Variants in SORCS2 observed in about 807,000 individuals in gnomAD.
SORCS2 encodes the protein VPS10 domain-containing receptor SorCS2.
In SORCS2, 100 loss-of-function variants were observed where a neutral mutation model predicts 141.6. That is an observed-to-expected ratio of 0.71 (90% CI 0.60 to 0.83). The LOEUF (loss-of-function observed/expected upper bound fraction) is 0.83. SORCS2 is among the 40% of genes least tolerant of loss of function. The pLI is 0.00. For missense variants in SORCS2, 1,646 were observed against 1,560.2 expected, an observed-to-expected ratio of 1.05 and a Z score of -0.93; for synonymous variants, 789 against 676.9, an observed-to-expected ratio of 1.17 and a Z score of -2.57.
chr4:7,604,283 T>C (rs1002193888), intron 3 of SORCS2, among the ~76,000 whole-genome samples: 1 of 152,150 alleles, frequency 6.6e-6, no homozygotes, highest in Non-Finnish European at 1.5e-5. Context: ...CTCGTGGTAG[T>C]GAGAGAGTTT....
intron 12 of SORCS2, among the ~76,000 whole-genome samples, chr4:7,699,247 C>T (rs958068640): frequency 2.0e-5 from 3 of 152,136 alleles, no homozygotes; most frequent in Non-Finnish European, 2.9e-5. Context: ...CAGGAATGGG[C>T]GTCTGAAGAG....
chr4:7,566,783 G>A (rs1336632324), intron 3 of SORCS2, among the ~76,000 whole-genome samples: 1 of 152,230 alleles, frequency 6.6e-6, no homozygotes, highest in African/African-American at 2.4e-5. Flanking sequence ...GAAATGCAGA[G>A]GGGGCACATG....
chr4:7,316,417 A>G (rs1055224385), intron 1 of SORCS2, among the ~76,000 whole-genome samples: 1 of 152,224 alleles, frequency 6.6e-6, no homozygotes, highest in African/African-American at 2.4e-5. Context: ...ACAATCTTCT[A>G]TATGCCAGTT....
intron 2 of SORCS2, among the ~76,000 whole-genome samples, chr4:7,476,908 G>T (rs1468976732): frequency 6.6e-6 from 1 of 152,218 alleles, no homozygotes; most frequent in African/African-American, 2.4e-5. Flanking sequence ...CTCCAACTCA[G>T]TGCTATGTGG....
At chr4:7,219,444 C>T (rs763179012) in intron 1 of SORCS2, among the ~76,000 whole-genome samples, 17 of 152,130 alleles carry the variant, frequency 1.1e-4, no homozygotes, top group Non-Finnish European at 1.9e-4. Context: ...TCCATTCTCA[C>T]GCTGCTATAA....
intron 18 of SORCS2, among the ~76,000 whole-genome samples, chr4:7,722,119 A>T (rs1191975784): frequency 6.6e-6 from 1 of 152,240 alleles, no homozygotes; most frequent in Non-Finnish European, 1.5e-5. Context: ...GCATCAGCGC[A>T]GCCCTTGAAG....
chr4:7,643,197 A>G (rs1260628884), intron 4 of SORCS2, among the ~76,000 whole-genome samples: 1 of 152,128 alleles, frequency 6.6e-6, no homozygotes, highest in Non-Finnish European at 1.5e-5. Flanking sequence ...TGGATCCTGG[A>G]CAGCCTTCCT....
chr4:7,692,210 C>A (rs1022666650), intron 11 of SORCS2, among the ~76,000 whole-genome samples: 8 of 152,204 alleles, frequency 5.3e-5, no homozygotes, highest in African/African-American at 1.7e-4. Flanking sequence ...CCCGACATGG[C>A]TGCCTGCCCT....
At chr4:7,206,686 C>T (rs77111249) in intron 1 of SORCS2, among the ~76,000 whole-genome samples, 335 of 152,250 alleles carry the variant, frequency 2.2e-3, no homozygotes, top group African/African-American at 7.4e-3. Flanking sequence ...GCAGCCAGGT[C>T]CTGGTGACAC....
At chr4:7,694,438 G>A (rs1724464671) in intron 11 of SORCS2, among the ~76,000 whole-genome samples, 1 of 152,054 alleles carries the variant, frequency 6.6e-6, no homozygotes, top group Admixed American at 6.5e-5. Context: ...GAGACTGTTA[G>A]GTGACAGGCA....
At chr4:7,673,720 G>C (rs1318788616) in intron 8 of SORCS2, among the ~76,000 whole-genome samples, 2 of 152,088 alleles carry the variant, frequency 1.3e-5, no homozygotes, top group Non-Finnish European at 2.9e-5. Context: ...ATTTACCCAG[G>C]TTATGTAAAC....
intron 1 of SORCS2, among the ~76,000 whole-genome samples, chr4:7,247,996 A>T (rs529070378): frequency 2.0e-5 from 3 of 152,222 alleles, no homozygotes; most frequent in Non-Finnish European, 4.4e-5. Context: ...GGGAAGGGAC[A>T]GCCCTGGGAA....
chr4:7,543,491 CCA>C (rs1712873123), intron 3 of SORCS2, among the ~76,000 whole-genome samples: 1 of 17,226 alleles, frequency 5.8e-5, no homozygotes, highest in Non-Finnish European at 2.2e-4. Flanking sequence ...ACCCACTCAT[CCA>C]TCCATCCATC....
intron 1 of SORCS2, among the ~76,000 whole-genome samples, chr4:7,287,222 C>G (rs1463268642): frequency 6.6e-6 from 1 of 152,178 alleles, no homozygotes; most frequent in Admixed American, 6.5e-5. Flanking sequence ...GATCAAGGAC[C>G]CACTTGGGAA....
intron 2 of SORCS2, among the ~76,000 whole-genome samples, chr4:7,458,183 T>C (rs1001477951): frequency 6.6e-6 from 1 of 151,976 alleles, no homozygotes; most frequent in Non-Finnish European, 1.5e-5. Context: ...TGGGAAGGCA[T>C]TGCTGAGTCC....
intron 2 of SORCS2, among the ~76,000 whole-genome samples, chr4:7,462,097 G>A (rs1729349925): frequency 6.6e-6 from 1 of 152,226 alleles, no homozygotes; most frequent in African/African-American, 2.4e-5. Context: ...TGCCCAGAGA[G>A]CCACCCAGAG....
intron 3 of SORCS2, among the ~76,000 whole-genome samples, chr4:7,627,912 A>G (rs1719619456): frequency 6.6e-6 from 1 of 152,262 alleles, no homozygotes; most frequent in Admixed American, 6.5e-5. Context: ...TCAGGAGGTC[A>G]GGCACGCAGG....
chr4:7,492,695 G>A (rs1056917809), intron 2 of SORCS2, among the ~76,000 whole-genome samples: 5 of 152,214 alleles, frequency 3.3e-5, no homozygotes, highest in Admixed American at 3.3e-4. Flanking sequence ...TTGGAGACTG[G>A]CTGCTGACAA....
chr4:7,359,973 G>A (rs1721482535), intron 1 of SORCS2, among the ~76,000 whole-genome samples: 1 of 152,218 alleles, frequency 6.6e-6, no homozygotes, highest in Non-Finnish European at 1.5e-5. Flanking sequence ...TCACAGCAGA[G>A]TAGTAGAGGT....
Sources: gnomAD v4.1 joint callset for allele counts (sites outside exome capture counted in the v4.1 genomes callset) on GRCh38, gnomAD v4.1.1 for gene constraint, MANE v1.5 for transcripts, NCBI Gene and HGNC (gene_info 2026-07-23, HGNC 2026-07-21) for gene names.